The following TRERF1 variants were observed in gnomAD, a reference collection of about 807,000 sequenced individuals.
TRERF1 encodes the protein transcriptional-regulating factor 1.
TRERF1 carries 27 observed loss-of-function variants against 122.9 expected under a neutral mutation model. That is an observed-to-expected ratio of 0.22 (90% CI 0.16 to 0.30). The LOEUF (loss-of-function observed/expected upper bound fraction) is 0.30, where lower values mean the gene tolerates loss of function less well. Among genes scored for constraint, TRERF1 ranks in the 10% least tolerant of loss-of-function variants. The pLI is 1.00. For missense variants in TRERF1, 1,248 were observed against 1,560.3 expected, an observed-to-expected ratio of 0.80 and a Z score of 3.37; for synonymous variants, 636 against 641.7, an observed-to-expected ratio of 0.99 and a Z score of 0.13.
At chr6:42,421,225 A>T (rs1211791431) in intron 2 of TRERF1, among the ~76,000 whole-genome samples, 2 of 152,224 alleles carry the variant, frequency 1.3e-5, no homozygotes, top group African/African-American at 2.4e-5. Flanking sequence ...AGTCTAAGTG[A>T]TCAATAAACA....
At chr6:42,272,938 A>G (rs1447551171) in intron 4 of TRERF1, among the ~76,000 whole-genome samples, 11 of 151,986 alleles carry the variant, frequency 7.2e-5, no homozygotes, top group Admixed American at 7.2e-4. Context: ...ATTCAACATC[A>G]TCTCTCCCAA....
intron 2 of TRERF1, among the ~76,000 whole-genome samples, chr6:42,369,187 C>T (rs901210548): frequency 1.3e-5 from 2 of 152,144 alleles, no homozygotes; most frequent in African/African-American, 4.8e-5. Flanking sequence ...CGGTGGCTCA[C>T]ATCTATGATC....
At chr6:42,359,387 G>T (rs1351981423) in intron 3 of TRERF1, among the ~76,000 whole-genome samples, 1 of 152,114 alleles carries the variant, frequency 6.6e-6, no homozygotes, top group Non-Finnish European at 1.5e-5. Context: ...GAAACCAAAG[G>T]CAAGCGGGGG....
Position 42,441,754 on chromosome 6 carries a change from G to C in TRERF1, c.-454+9423C>G, listed in dbSNP as rs60790159. ...TGTCAGGCTCTGTGCTAGAGGCCGG[G>C]GGGTACAGAAATGAGTGATGACCCA... On this transcript the variant is annotated intron_variant, in intron 2 of 17. Coordinates refer to ENST00000372922, the Ensembl canonical transcript of TRERF1. Among the ~76,000 whole-genome samples, 1,799 of 152,164 alleles carry C rather than the reference G, an allele frequency of 0.012. 113 individuals are homozygous for C. In the East Asian group the frequency reaches 0.19, roughly 16 times the overall value.
chr6:42,278,186 G>C (rs1334888897), intron 4 of TRERF1, among the ~76,000 whole-genome samples: 2 of 152,180 alleles, frequency 1.3e-5, no homozygotes. Flanking sequence ...CAGGGTTCTG[G>C]ATCCAGTTGG....
intron 3 of TRERF1, among the ~76,000 whole-genome samples, chr6:42,334,861 G>A (rs1401552011): frequency 6.6e-6 from 1 of 152,240 alleles, no homozygotes; most frequent in African/African-American, 2.4e-5. Context: ...AGGCATCGGG[G>A]ACAGGAATCA....
rs543956181 is a variant in TRERF1 at position 42,245,035 on chromosome 6, C to T, written c.2745+1421G>A. 3.3e-3 allele frequency among the ~76,000 whole-genome samples: 507 copies of T among 152,358 alleles called. 5 individuals carry two copies. Among genetic ancestry groups the T allele is most frequent in the African/African-American group, 0.012 (479 of 41,592 alleles). On this transcript the variant is annotated intron_variant, in intron 14 of 17. Transcript: ENST00000372922. ...TCAAAGTTGCCCCCTTCTCATCCCC[C>T]TGACACCTGGAATTTCCACACTAGA...
chr6:42,433,682 C>A (rs1784830052), intron 2 of TRERF1, among the ~76,000 whole-genome samples: 1 of 152,090 alleles, frequency 6.6e-6, no homozygotes, highest in Non-Finnish European at 1.5e-5. Context: ...TAAAAACAAA[C>A]CTCAGAAGGT....
At chr6:42,321,227 C>G (rs550573024) in intron 3 of TRERF1, among the ~76,000 whole-genome samples, 6 of 149,640 alleles carry the variant, frequency 4.0e-5, no homozygotes, top group Non-Finnish European at 7.4e-5. Flanking sequence ...CCCCCCTAAA[C>G]CCCACCCTGA....
At chr6:42,432,031 G>GTCAGAATGCATGGC (rs1784577286) in intron 2 of TRERF1, among the ~76,000 whole-genome samples, 1 of 152,214 alleles carries the variant, frequency 6.6e-6, no homozygotes, top group Non-Finnish European at 1.5e-5. Flanking sequence ...AGGCTCTAGG[G>GTCAGAATGCATGGC]TCAGAATGCA....
At chr6:42,356,816 C>T (rs1770645656) in intron 3 of TRERF1, among the ~76,000 whole-genome samples, 1 of 152,024 alleles carries the variant, frequency 6.6e-6, no homozygotes, top group Non-Finnish European at 1.5e-5. Context: ...TCGTGATCCA[C>T]TCACCTCAGC....
intron 17 of TRERF1, among the ~76,000 whole-genome samples, chr6:42,230,574 G>A (rs992738449): frequency 6.6e-6 from 1 of 152,166 alleles, no homozygotes; most frequent in Non-Finnish European, 1.5e-5. Context: ...ATAAGCGGGA[G>A]ATCACTGAGA....
Position 42,228,143 on chromosome 6 carries a change from T to G in TRERF1, c.*202A>C. 2.1e-6 allele frequency: 1 copy of G among 483,522 alleles called. No individual in the cohort carries two copies. The highest frequency in any genetic ancestry group is 3.3e-5 in the East Asian group (1 of 30,048). The allele number at this position is 483,522 out of a possible 1,614,324, so 30.0% of individuals were successfully genotyped here. Reference sequence around the variant, plus strand: ...CTTAAAGATAGTTGTGCCAATTATTTATTCCCCCAACCCCCCACAAAAACA... The same window carrying G: ...CTTAAAGATAGTTGTGCCAATTATTGATTCCCCCAACCCCCCACAAAAACA... On this transcript the variant is annotated 3_prime_UTR_variant, in exon 18 of 18. Transcript: ENST00000372922. The surrounding 1 kb of genome is among the most constrained non-coding windows in gnomAD (Gnocchi z 4.2).
chr6:42,446,164 T>A lies in TRERF1; in HGVS notation c.-454+5013A>T, dbSNP rs181682694. Among the ~76,000 whole-genome samples, 390 of 152,362 alleles carry A rather than the reference T, an allele frequency of 2.6e-3. 3 individuals are homozygous for A. Among genetic ancestry groups the A allele is most frequent in the African/African-American group, 9.0e-3 (373 of 41,578 alleles). ...CCTGACCTCAGGCTATCCACCCGCTTCGGCCTCCCGAAGTGCTAGGATTAC... is the reference window on the plus strand; with the variant it reads ...CCTGACCTCAGGCTATCCACCCGCTACGGCCTCCCGAAGTGCTAGGATTAC... On this transcript the variant is annotated intron_variant, in intron 2 of 17. Transcript: ENST00000372922.
intron 12 of TRERF1, 132 bp from the exon 13 acceptor site, chr6:42,255,058 G>C: frequency 1.3e-6 from 1 of 776,164 alleles, no homozygotes; most frequent in Non-Finnish European, 2.2e-6. Context: ...AGGAAACCCA[G>C]AGGGAGACTC....
chr6:42,321,832 T>C (rs1342206812), intron 3 of TRERF1, among the ~76,000 whole-genome samples: 1 of 152,222 alleles, frequency 6.6e-6, no homozygotes, highest in African/African-American at 2.4e-5. Flanking sequence ...AAAAAATCAC[T>C]AGGCAAATCA....
chr6:42,267,644 A>G (rs1037447903), intron 5 of TRERF1, among the ~76,000 whole-genome samples: 1 of 152,114 alleles, frequency 6.6e-6, no homozygotes, highest in Non-Finnish European at 1.5e-5. Context: ...AAAAAACAAA[A>G]ACAAAAATAA....
intron 3 of TRERF1, among the ~76,000 whole-genome samples, chr6:42,309,922 T>G (rs1226874161): frequency 1.3e-5 from 2 of 150,526 alleles, no homozygotes; most frequent in Non-Finnish European, 3.0e-5. Context: ...ACTACAAACA[T>G]GCGCCACCAG....
At chr6:42,424,050 C>T (rs1365151761) in intron 2 of TRERF1, among the ~76,000 whole-genome samples, 2 of 152,230 alleles carry the variant, frequency 1.3e-5, no homozygotes, top group Non-Finnish European at 2.9e-5. Context: ...CAAACCATTA[C>T]ATGTAGATGT....
Sources: gnomAD v4.1 joint callset for allele counts (sites outside exome capture counted in the v4.1 genomes callset) on GRCh38, gnomAD v4.1.1 for gene constraint, Gnocchi (gnomAD v3.1) non-coding constraint, MANE v1.5 for transcripts, NCBI Gene and HGNC (gene_info 2026-07-23, HGNC 2026-07-21) for gene names.